The following PLCB1 variants were observed in gnomAD, a reference collection of about 807,000 sequenced individuals.
The protein encoded by PLCB1 is 1-phosphatidylinositol 4,5-bisphosphate phosphodiesterase beta-1.
A neutral mutation model predicts 161.8 loss-of-function variants in PLCB1; 46 were observed. The ratio of observed to expected loss-of-function variants is 0.28; its 90% CI spans 0.22 to 0.36. PLCB1 has a LOEUF of 0.36. PLCB1 is among the 10% of genes least tolerant of loss of function. PLCB1 has a pLI of 1.00. For missense variants in PLCB1, 1,016 were observed against 1,472.5 expected (o/e 0.69, Z 5.07); for synonymous variants, 517 against 503.7 (o/e 1.03, Z -0.35).
chr20:8,437,090 C>T lies in PLCB1; in HGVS notation c.246+65640C>T, dbSNP rs149849978. On this transcript the variant is annotated intron_variant, in intron 3 of 31. Coordinates refer to ENST00000338037, the MANE Select transcript of PLCB1 (RefSeq NM_015192.4). ...CAGGCATGAGCCACCGAGCCTGGTC[C>T]GTAACCATGGATTTTAATGATCTGT... Among the ~76,000 whole-genome samples, 633 of 152,132 alleles carry T rather than the reference C, an allele frequency of 4.2e-3. 7 individuals are homozygous for T. The highest frequency in any genetic ancestry group is 0.014 in the African/African-American group (599 of 41,510).
At chr20:8,717,453 G>A (rs1444486807) in intron 13 of PLCB1, among the ~76,000 whole-genome samples, 1 of 152,008 alleles carries the variant, frequency 6.6e-6, no homozygotes, top group Non-Finnish European at 1.5e-5. Context: ...TCTTCTTCAT[G>A]TAGAATATGT....
chr20:8,351,387 C>T (rs1313331701), intron 2 of PLCB1, among the ~76,000 whole-genome samples: 3 of 151,964 alleles, frequency 2.0e-5, no homozygotes, highest in South Asian at 2.1e-4. Flanking sequence ...AATTAAACTT[C>T]TAGTAGAAAA....
intron 3 of PLCB1, among the ~76,000 whole-genome samples, chr20:8,382,497 A>T (rs1252509933): frequency 6.8e-6 from 1 of 146,922 alleles, no homozygotes; most frequent in Non-Finnish European, 1.5e-5. Context: ...GTTAGCCAGG[A>T]TGGTCTCGAT....
chr20:8,197,254 A>G (rs1457873315), intron 2 of PLCB1, among the ~76,000 whole-genome samples: 1 of 152,164 alleles, frequency 6.6e-6, no homozygotes, highest in Non-Finnish European at 1.5e-5. Flanking sequence ...ACTGTCTTCC[A>G]CAATGTTTGA....
intron 3 of PLCB1, among the ~76,000 whole-genome samples, chr20:8,550,374 G>T (rs1985732434): frequency 6.6e-6 from 1 of 152,092 alleles, no homozygotes; most frequent in Non-Finnish European, 1.5e-5. Context: ...GGATATAATT[G>T]AATCATAGGG....
At chr20:8,427,796 C>T (rs998904433) in intron 3 of PLCB1, among the ~76,000 whole-genome samples, 3 of 151,966 alleles carry the variant, frequency 2.0e-5, no homozygotes, top group Admixed American at 6.6e-5. Context: ...GACCAGCTGG[C>T]GTCAGTAGTT....
At chr20:8,265,921 G>T (rs539503918) in intron 2 of PLCB1, among the ~76,000 whole-genome samples, 1 of 152,168 alleles carries the variant, frequency 6.6e-6, no homozygotes, top group East Asian at 1.9e-4. Context: ...TAAGGTGGAG[G>T]ACTAATTTTT....
At chr20:8,373,079 G>C (rs1484092780) in intron 3 of PLCB1, among the ~76,000 whole-genome samples, 1 of 152,146 alleles carries the variant, frequency 6.6e-6, no homozygotes, top group Non-Finnish European at 1.5e-5. Flanking sequence ...CAGCAGTAGG[G>C]CCTGTACTGT....
chr20:8,165,318 C>A (rs568442011), intron 2 of PLCB1, among the ~76,000 whole-genome samples: 2 of 152,318 alleles, frequency 1.3e-5, no homozygotes, highest in Admixed American at 1.3e-4. Context: ...TGTTGTGCTG[C>A]AGACATTGTG....
chr20:8,368,528 C>CAAAAAAAAAAAAAAAA (rs1216338206), intron 2 of PLCB1, among the ~76,000 whole-genome samples: 3 of 63,818 alleles, frequency 4.7e-5, no homozygotes, highest in Admixed American at 2.0e-4. Flanking sequence ...CTCTGTCTCT[C>CAAAAAAAAAAAAAAAA]AAAAAAAAAA....
Position 8,681,076 on chromosome 20 carries a change from A to ATGTGTGTGTG in PLCB1, c.863-3854_863-3845dup, listed in dbSNP as rs71331325. Among the ~76,000 whole-genome samples the ATGTGTGTGTG allele has an allele frequency of 7.3e-3, 604 of 83,076 alleles. 2 individuals are homozygous for ATGTGTGTGTG. Among genetic ancestry groups the ATGTGTGTGTG allele is most frequent in the East Asian group, 0.021 (65 of 3,076 alleles). The allele number at this position is 83,076 out of a possible 152,430, so 54.5% of individuals were successfully genotyped here. On this transcript the variant is annotated intron_variant, in intron 9 of 31. Coordinates refer to ENST00000338037, the MANE Select transcript of PLCB1 (RefSeq NM_015192.4). ...TACTTATATGTATATATGTGTGTATATGTGTGTGTGTATATATATATATAT... is the reference window on the plus strand; with the variant it reads ...TACTTATATGTATATATGTGTGTATATGTGTGTGTGTGTGTGTGTGTATATATATATATAT...
At chr20:8,310,518 A>G (rs1443849756) in intron 2 of PLCB1, among the ~76,000 whole-genome samples, 1 of 152,160 alleles carries the variant, frequency 6.6e-6, no homozygotes, top group Non-Finnish European at 1.5e-5. Flanking sequence ...GGGTGCTGGG[A>G]CAGGGATGGC....
Position 8,332,692 on chromosome 20 carries a change from C to T in PLCB1, c.178-38690C>T, listed in dbSNP as rs180799249. The stretch of plus-strand genomic sequence containing the variant: ...ACTCTAGTGACAGTGCTTATAACTG[C>T]TACATTGTCCCTCTCTTTGGCTAAT... On this transcript the variant is annotated intron_variant, in intron 2 of 31. Coordinates refer to ENST00000338037, the MANE Select transcript of PLCB1 (RefSeq NM_015192.4). Among the ~76,000 whole-genome samples, 3 of 152,304 alleles carry T rather than the reference C, an allele frequency of 2.0e-5. No individual in the cohort carries two copies. In the East Asian group the frequency reaches 5.8e-4, roughly 29 times the overall value.
rs184790104 is a variant in PLCB1 at position 8,626,034 on chromosome 20, C to T, written c.247-2260C>T. 4.1e-4 allele frequency among the ~76,000 whole-genome samples: 63 copies of T among 151,950 alleles called. No individual in the cohort carries two copies. In the East Asian group the frequency reaches 5.8e-3, roughly 14 times the overall value. The stretch of plus-strand genomic sequence containing the variant: ...CTCCACTAAAAATACAAAACTTAGC[C>T]GGGCGTGGTGGCACACCCCTATAGT... On this transcript the variant is annotated intron_variant, in intron 3 of 31. Coordinates refer to ENST00000338037, the MANE Select transcript of PLCB1 (RefSeq NM_015192.4).
chr20:8,398,596 T>A (rs987909006), intron 3 of PLCB1, among the ~76,000 whole-genome samples: 1 of 152,160 alleles, frequency 6.6e-6, no homozygotes, highest in Admixed American at 6.5e-5. Context: ...CTAGTCTCTT[T>A]TTCCAAAGAC....
At chr20:8,753,392 T>A (rs538386526) in intron 23 of PLCB1, among the ~76,000 whole-genome samples, 56 of 152,180 alleles carry the variant, frequency 3.7e-4, no homozygotes, top group Non-Finnish European at 7.8e-4. Context: ...TGGGGACCAC[T>A]GACTTAACTT....
intron 3 of PLCB1, among the ~76,000 whole-genome samples, chr20:8,599,396 ATTCTT>A (rs1378907599): frequency 6.8e-6 from 1 of 147,136 alleles, no homozygotes; most frequent in Non-Finnish European, 1.5e-5. Context: ...TGGGTTGAAA[ATTCTT>A]TTCTTTAAGA....
intron 2 of PLCB1, 122 bp from the exon 3 acceptor site, chr20:8,371,260 C>A (rs1468168543): frequency 8.1e-6 from 5 of 616,358 alleles, no homozygotes; most frequent in Non-Finnish European, 1.4e-5. Context: ...AAAGAAATAT[C>A]CCAACTGCAG....
intron 31 of PLCB1, among the ~76,000 whole-genome samples, chr20:8,839,513 A>G (rs1047595167): frequency 1.3e-5 from 2 of 152,136 alleles, no homozygotes; most frequent in African/African-American, 4.8e-5. Context: ...TAGATTTAAT[A>G]TTATGTGTCA....
Sources: gnomAD v4.1 joint callset for allele counts (sites outside exome capture counted in the v4.1 genomes callset) on GRCh38, gnomAD v4.1.1 for gene constraint, MANE v1.5 for transcripts, NCBI Gene and HGNC (gene_info 2026-07-23, HGNC 2026-07-21) for gene names.